MAGI2: variants seen among roughly 807,000 people sequenced by gnomAD.
MAGI2 encodes membrane-associated guanylate kinase, WW and PDZ domain-containing protein 2.
Under a neutral mutation model 133.3 loss-of-function variants are expected in MAGI2, and 35 were observed. The observed-to-expected ratio is 0.26, with a 90% CI of 0.20 to 0.35. MAGI2 has a LOEUF of 0.35. Among genes scored for constraint, MAGI2 ranks in the 10% least tolerant of loss-of-function variants. The pLI is 1.00. For synonymous variants in MAGI2, 729 were observed against 710.6 expected (o/e 1.03, Z -0.41); for missense variants, 1,636 against 1,863.4 (o/e 0.88, Z 2.25).
intron 1 of MAGI2, among the ~76,000 whole-genome samples, chr7:79,053,995 G>A (rs112730767): frequency 3.9e-5 from 6 of 152,188 alleles, no homozygotes; most frequent in African/African-American, 1.2e-4. Flanking sequence ...TCGGGAGTTC[G>A]AGATCAGCCT....
chr7:78,314,350 A>T (rs1235851186), intron 9 of MAGI2, among the ~76,000 whole-genome samples: 1 of 152,184 alleles, frequency 6.6e-6, no homozygotes, highest in Non-Finnish European at 1.5e-5. Flanking sequence ...ACAGCTCTCT[A>T]AAAGAGGATA....
chr7:79,117,330 C>T (rs1316488631), intron 1 of MAGI2, among the ~76,000 whole-genome samples: 1 of 151,922 alleles, frequency 6.6e-6, no homozygotes, highest in Non-Finnish European at 1.5e-5. Context: ...GAATATTTAC[C>T]TCTCAAGAGC....
intron 1 of MAGI2, among the ~76,000 whole-genome samples, chr7:79,171,121 T>G (rs1005434522): frequency 6.6e-6 from 1 of 152,138 alleles, no homozygotes; most frequent in African/African-American, 2.4e-5. Context: ...ACTGGGTGGC[T>G]TGGAACTGCA....
intron 1 of MAGI2, among the ~76,000 whole-genome samples, chr7:79,072,175 A>C (rs1815052594): frequency 1.3e-5 from 2 of 152,038 alleles, no homozygotes; most frequent in Admixed American, 1.3e-4. Flanking sequence ...TTGGAAATGC[A>C]GAAATCACTC....
intron 2 of MAGI2, among the ~76,000 whole-genome samples, chr7:78,935,726 A>C (rs1800459742): frequency 6.6e-6 from 1 of 152,046 alleles, no homozygotes; most frequent in African/African-American, 2.4e-5. Context: ...ACATGGATGT[A>C]AATTTTTAAG....
chr7:78,088,266 C>T (rs1319677620), intron 20 of MAGI2, among the ~76,000 whole-genome samples: 3 of 152,158 alleles, frequency 2.0e-5, no homozygotes, highest in African/African-American at 7.2e-5. Context: ...GGTAACAATT[C>T]CTTGTTTTCC....
chr7:79,214,423 A>C (rs112557484), intron 1 of MAGI2, among the ~76,000 whole-genome samples: 8 of 125,260 alleles, frequency 6.4e-5, no homozygotes, highest in South Asian at 2.6e-4. Flanking sequence ...ATATATATAT[A>C]TATATATATA....
chr7:78,027,184 T>G (rs1390183214), intron 21 of MAGI2, among the ~76,000 whole-genome samples: 1 of 152,204 alleles, frequency 6.6e-6, no homozygotes, highest in Non-Finnish European at 1.5e-5. Flanking sequence ...CATGTCTTCT[T>G]CTGGGGCAGT....
At chr7:78,429,192 G>C (rs915984740) in intron 6 of MAGI2, among the ~76,000 whole-genome samples, 4 of 152,076 alleles carry the variant, frequency 2.6e-5, no homozygotes, top group African/African-American at 9.7e-5. Flanking sequence ...CTGCAAAACT[G>C]TTTATATTAA....
At chr7:78,426,996 C>G (rs1049901538) in intron 6 of MAGI2, among the ~76,000 whole-genome samples, 1 of 152,128 alleles carries the variant, frequency 6.6e-6, no homozygotes, top group Non-Finnish European at 1.5e-5. Flanking sequence ...AAGTAGAACT[C>G]TACTGTTTCA....
chr7:79,020,239 T>C (rs778363403), intron 1 of MAGI2, among the ~76,000 whole-genome samples: 1 of 152,136 alleles, frequency 6.6e-6, no homozygotes, highest in Non-Finnish European at 1.5e-5. Context: ...AGAGATGATT[T>C]AGGGTATCTG....
intron 2 of MAGI2, among the ~76,000 whole-genome samples, chr7:78,922,152 T>TC (rs1345446783): frequency 1.2e-5 from 1 of 84,966 alleles, no homozygotes; most frequent in South Asian, 4.0e-4. Context: ...TTTCTTTATT[T>TC]TTTATTTTTT....
At chr7:78,718,403 G>T (rs1026815767) in intron 2 of MAGI2, among the ~76,000 whole-genome samples, 2 of 152,092 alleles carry the variant, frequency 1.3e-5, no homozygotes, top group African/African-American at 2.4e-5. Context: ...GAGGTGAGTG[G>T]CAGGTGAGTG....
chr7:78,863,083 G>A (rs1290757572), intron 2 of MAGI2, among the ~76,000 whole-genome samples: 2 of 152,092 alleles, frequency 1.3e-5, no homozygotes, highest in Non-Finnish European at 2.9e-5. Context: ...GTGTAGAGGT[G>A]GCTATAAAGA....
At chr7:78,035,885 G>A (rs150736590) in intron 21 of MAGI2, among the ~76,000 whole-genome samples, 118 of 151,848 alleles carry the variant, frequency 7.8e-4, no homozygotes, top group African/African-American at 2.7e-3. Context: ...CTAAAGCTTC[G>A]TTGTTAGTAG....
At chr7:79,265,585 T>A (rs1405070883) in intron 1 of MAGI2, among the ~76,000 whole-genome samples, 2 of 152,190 alleles carry the variant, frequency 1.3e-5, no homozygotes, top group African/African-American at 4.8e-5. Flanking sequence ...AATATGCATA[T>A]GTGTATGATC....
chr7:78,636,514 C>G (rs900182117), intron 2 of MAGI2, among the ~76,000 whole-genome samples: 4 of 152,236 alleles, frequency 2.6e-5, no homozygotes, highest in South Asian at 2.1e-4. Context: ...TAGGCTGCAT[C>G]AAGGCCGGGC....
Position 78,267,352 on chromosome 7 carries a change from G to A in MAGI2, c.1409-10771C>T, listed in dbSNP as rs77136059. ...CTAAAAATGTGACTGTATATTGCAT[G>A]CACATGGGTCCAGGGTTTGACGAGA... On this transcript the variant is annotated intron_variant, in intron 9 of 21. Coordinates refer to ENST00000354212, the MANE Select transcript of MAGI2 (RefSeq NM_012301.4). Among the ~76,000 whole-genome samples, 98 of 152,306 alleles carry A rather than the reference G, an allele frequency of 6.4e-4. 1 individual carries two copies. The East Asian group carries it at 0.017, about 26-fold the overall frequency.
chr7:79,442,765 C>A (rs922606536), intron 1 of MAGI2, among the ~76,000 whole-genome samples: 1 of 151,784 alleles, frequency 6.6e-6, no homozygotes, highest in Non-Finnish European at 1.5e-5. Context: ...AATGTCTACT[C>A]CCTAAGTATA....
Sources: allele counts gnomAD v4.1 joint callset (sites outside exome capture counted in the v4.1 genomes callset), GRCh38; gene constraint gnomAD v4.1.1; transcripts MANE v1.5; gene names NCBI Gene and HGNC (gene_info 2026-07-23, HGNC 2026-07-21).